ABCA13: variants seen among roughly 807,000 people sequenced by gnomAD.
The protein encoded by ABCA13 is ATP-binding cassette sub-family A member 13.
In ABCA13, 476 loss-of-function variants were observed where a neutral mutation model predicts 478.7. The observed-to-expected ratio is 0.99, with a 90% confidence interval of 0.92 to 1.07. ABCA13 has a LOEUF of 1.07. Ranked by LOEUF, ABCA13 falls within the 50% of genes least tolerant of loss-of-function variation. The pLI, the probability that ABCA13 is intolerant of heterozygous loss-of-function variation, is 0.00. For synonymous variants in ABCA13, 2,252 were observed against 2,158.9 expected, an observed-to-expected ratio of 1.04 and a Z score of -1.20; for missense variants, 6,060 against 5,910.6, an observed-to-expected ratio of 1.03 and a Z score of -0.83.
chr7:48,273,353 G>C lies in ABCA13; in HGVS notation c.3687G>C (p.Leu1229=). 2 of 1,613,630 alleles carry C rather than the reference G, an allele frequency of 1.2e-6. No homozygotes were observed. Among genetic ancestry groups the C allele is most frequent in the East Asian group, 2.2e-5 (1 of 44,856 alleles). Residue 1229 remains leucine, a synonymous_variant, in exon 17 of 62, where the codon CTG becomes CTC. Coordinates refer to ENST00000435803, the MANE Select transcript of ABCA13 (RefSeq NM_152701.5). The part of the protein sequence containing the change: ...ANDFHNWEDF[L]DLRDFLVALG... Reference sequence around the variant, plus strand: ...ACTTCCATAATTGGGAGGACTTCCTGGATCTCAGGGATTTTTTGGTAGCTT... The same window carrying C: ...ACTTCCATAATTGGGAGGACTTCCTCGATCTCAGGGATTTTTTGGTAGCTT...
chr7:48,392,239 A>C, intron 38 of ABCA13, 100 bp downstream of exon 38: 1 of 1,098,594 alleles, frequency 9.1e-7, no homozygotes, highest in South Asian at 1.5e-5. Flanking sequence ...CTGTGTCTAC[A>C]TTTATAAGAT....
intron 59 of ABCA13, among the ~76,000 whole-genome samples, chr7:48,640,305 T>A (rs971637156): frequency 6.6e-6 from 1 of 152,178 alleles, no homozygotes; most frequent in Non-Finnish European, 1.5e-5. Context: ...GACAAGTGAT[T>A]TTTCAGAAAT....
At chr7:48,433,301 AG>A in intron 42 of ABCA13, among the ~76,000 whole-genome samples, 1 of 151,938 alleles carries the variant, frequency 6.6e-6, no homozygotes, top group African/African-American at 2.4e-5. Flanking sequence ...TGTGAATTTT[AG>A]CAACTGAAAA....
At chr7:48,410,993 TTC>T (rs1170262328) in intron 40 of ABCA13, among the ~76,000 whole-genome samples, 2 of 97,944 alleles carry the variant, frequency 2.0e-5, no homozygotes, top group African/African-American at 3.8e-5. Context: ...CTTTCTTTCT[TTC>T]TTTCTTTCTT....
intron 48 of ABCA13, among the ~76,000 whole-genome samples, chr7:48,501,361 G>T (rs1000950705): frequency 2.6e-5 from 4 of 152,168 alleles, no homozygotes; most frequent in African/African-American, 9.7e-5. Context: ...TTGTCCAAGA[G>T]CTCTGAGCAC....
chr7:48,200,629 T>C (rs1798547201), intron 3 of ABCA13, among the ~76,000 whole-genome samples: 1 of 151,846 alleles, frequency 6.6e-6, no homozygotes, highest in South Asian at 2.1e-4. Context: ...GTATAAGAAA[T>C]ACAAAATAAA....
At chr7:48,291,022 ATTAGAAATGTGCATGTAGCTTGGAGT>A (rs1446698187) in intron 20 of ABCA13, among the ~76,000 whole-genome samples, 1 of 149,980 alleles carries the variant, frequency 6.7e-6, no homozygotes, top group South Asian at 2.1e-4. Context: ...TGTGCATGTT[ATTAGAAATGTGCATGTAGCTTGGAGT>A]CTTGAGGCTG....
intron 57 of ABCA13, among the ~76,000 whole-genome samples, chr7:48,588,056 T>C (rs537651804): frequency 6.6e-6 from 1 of 152,198 alleles, no homozygotes; most frequent in East Asian, 1.9e-4. Context: ...GATTCCTTTT[T>C]TTCTATCTTT....
chr7:48,442,567 T>C (rs900669683), intron 42 of ABCA13, among the ~76,000 whole-genome samples: 3 of 152,240 alleles, frequency 2.0e-5, no homozygotes, highest in African/African-American at 4.8e-5. Flanking sequence ...ATGTTTAGTA[T>C]ATATTAACTG....
chr7:48,249,430 T>A, intron 15 of ABCA13, 79 bp downstream of exon 15: 3 of 1,574,196 alleles, frequency 1.9e-6, no homozygotes, highest in Admixed American at 1.8e-5. Context: ...TGAGAGTCCA[T>A]CCTATTTAAC....
intron 15 of ABCA13, among the ~76,000 whole-genome samples, chr7:48,259,718 G>A (rs1277741626): frequency 1.1e-5 from 1 of 89,892 alleles, no homozygotes; most frequent in Non-Finnish European, 2.2e-5. Context: ...ATATACTTAA[G>A]TGTTTTTTTT....
At chr7:48,484,994 CAT>C in intron 47 of ABCA13, among the ~76,000 whole-genome samples, 1 of 152,304 alleles carries the variant, frequency 6.6e-6, no homozygotes, top group East Asian at 1.9e-4. Context: ...TGAAGGAAAA[CAT>C]GAAAAATTTG....
In ABCA13 at chr7:48,297,396, A is replaced by G. The variant is rs892358338; in HGVS notation, c.9199+85A>G. ...ATATATTATTAAAATAAAACATACAACAGAAAATTTATGCTATATGTGATA... is the reference window on the plus strand; with the variant it reads ...ATATATTATTAAAATAAAACATACAGCAGAAAATTTATGCTATATGTGATA... On this transcript the variant is annotated intron_variant, in intron 22 of 61. Coordinates refer to ENST00000435803, the MANE Select transcript of ABCA13 (RefSeq NM_152701.5). 7 of 1,314,184 alleles carry G rather than the reference A, an allele frequency of 5.3e-6. No homozygotes were observed. The African/African-American group carries it at 8.9e-5, about 17-fold the overall frequency. 81.4% of individuals were successfully genotyped at this position (1,314,184 alleles called of 1,614,324 possible).
At chr7:48,268,940 A>T in intron 15 of ABCA13, 40 bp from the exon 16 acceptor site, 1 of 1,067,474 alleles carries the variant, frequency 9.4e-7, no homozygotes, top group Non-Finnish European at 1.4e-6. Flanking sequence ...GTCTGTTATA[A>T]CCAGTTTATA....
At chr7:48,203,195 G>A (rs933998995) in intron 3 of ABCA13, among the ~76,000 whole-genome samples, 1 of 152,106 alleles carries the variant, frequency 6.6e-6, no homozygotes, top group African/African-American at 2.4e-5. Flanking sequence ...AGGGCCGGCC[G>A]GCTGCTCCGA....
At chr7:48,237,796 C>T (rs1790191089) in intron 8 of ABCA13, among the ~76,000 whole-genome samples, 1 of 152,210 alleles carries the variant, frequency 6.6e-6, no homozygotes, top group Non-Finnish European at 1.5e-5. Context: ...TCAGCCTCTG[C>T]CTCTACTTCT....
chr7:48,584,449 C>T (rs1254780529), intron 56 of ABCA13, among the ~76,000 whole-genome samples: 1 of 152,198 alleles, frequency 6.6e-6, no homozygotes, highest in Non-Finnish European at 1.5e-5. Flanking sequence ...TGGCTGCATA[C>T]ATTTTCTCCA....
intron 15 of ABCA13, among the ~76,000 whole-genome samples, chr7:48,255,631 A>G (rs1793264524): frequency 6.6e-6 from 1 of 152,194 alleles, no homozygotes; most frequent in African/African-American, 2.4e-5. Context: ...ACTGCAAAGG[A>G]CATGATTTCA....
chr7:48,469,393 T>C (rs1827227533), intron 44 of ABCA13, among the ~76,000 whole-genome samples: 1 of 152,088 alleles, frequency 6.6e-6, no homozygotes, highest in South Asian at 2.1e-4. Context: ...GGGATCATGA[T>C]AGAGGGGTAA....
Sources: gnomAD v4.1 joint callset for allele counts (sites outside exome capture counted in the v4.1 genomes callset) on GRCh38, gnomAD v4.1.1 for gene constraint, MANE v1.5 for transcripts, NCBI Gene and HGNC (gene_info 2026-07-23, HGNC 2026-07-21) for gene names.